ZNF652: variants seen among roughly 807,000 people sequenced by gnomAD.
ZNF652 encodes the protein zinc finger protein 652.
In ZNF652, 16 loss-of-function variants were observed where a neutral mutation model predicts 45.2. The ratio of observed to expected loss-of-function variants is 0.35; its 90% CI spans 0.24 to 0.54. The LOEUF (loss-of-function observed/expected upper bound fraction) is 0.54, where lower values mean the gene tolerates loss of function less well. Among genes scored for constraint, ZNF652 ranks in the 20% least tolerant of loss-of-function variants. ZNF652 has a pLI of 0.91. For synonymous variants in ZNF652, 250 were observed against 260.6 expected (o/e 0.96, Z 0.39); for missense variants, 614 against 765.6 (o/e 0.80, Z 2.34).
intron 1 of ZNF652, among the ~76,000 whole-genome samples, chr17:49,330,259 T>A (rs1224416047): frequency 6.6e-6 from 1 of 152,108 alleles, no homozygotes; most frequent in East Asian, 1.9e-4. Flanking sequence ...GGTCACTATA[T>A]GGAATGCAAT....
At chr17:49,353,530 G>A (rs2070304510) in intron 1 of ZNF652, among the ~76,000 whole-genome samples, 1 of 151,864 alleles carries the variant, frequency 6.6e-6, no homozygotes, top group Non-Finnish European at 1.5e-5. Context: ...GGGCTAGAGT[G>A]ATGTGATTTC....
rs757661032 is a variant in ZNF652, at chr17:49,312,056, T to C, written c.1049-14A>G. The C allele has an allele frequency of 1.3e-5, 20 of 1,585,610 alleles. No individual in the cohort carries two copies. Among genetic ancestry groups the C allele is most frequent in the African/African-American group, 2.7e-5 (2 of 74,402 alleles). ...CTTTTGTGTGTGCTGCAACACAGAA[T>C]GTACTTAGTGTCAAAACAAAATCCA... On this transcript the variant is annotated splice_polypyrimidine_tract_variant and intron_variant, in intron 3 of 5. Coordinates refer to ENST00000430262, the MANE Select transcript of ZNF652 (RefSeq NM_001145365.3).
At chr17:49,327,169 T>TAA (rs1365328449) in intron 1 of ZNF652, among the ~76,000 whole-genome samples, 1 of 152,182 alleles carries the variant, frequency 6.6e-6, no homozygotes, top group Non-Finnish European at 1.5e-5. Flanking sequence ...ATAATTTTTT[T>TAA]TATTTTTTCA....
intron 1 of ZNF652, chr17:49,361,303 A>C (rs2070390137): frequency 6.6e-6 from 1 of 152,262 alleles, no homozygotes; most frequent in South Asian, 2.1e-4. Context: ...CGGGGGTGTC[A>C]CTACCTTTGG....
chr17:49,327,439 C>T (rs948477148), intron 1 of ZNF652, among the ~76,000 whole-genome samples: 4 of 151,826 alleles, frequency 2.6e-5, no homozygotes, highest in South Asian at 4.2e-4. Flanking sequence ...GCATTACAAG[C>T]GTGAGCCACT....
intron 1 of ZNF652, among the ~76,000 whole-genome samples, chr17:49,353,731 G>A (rs925298610): frequency 4.6e-5 from 7 of 152,148 alleles, no homozygotes; most frequent in Non-Finnish European, 7.3e-5. Context: ...GTGGGTGTAG[G>A]TATGAATGTG....
chr17:49,323,942 T>C (rs537858595), intron 1 of ZNF652, among the ~76,000 whole-genome samples: 1 of 152,332 alleles, frequency 6.6e-6, no homozygotes, highest in East Asian at 1.9e-4. Context: ...ATTTTTGGAA[T>C]AGTAAGTGAA....
intron 5 of ZNF652, among the ~76,000 whole-genome samples, chr17:49,305,559 CTGGTAAAGTGCTTACAACA>C (rs2069617787): frequency 1.3e-5 from 2 of 152,142 alleles, no homozygotes; most frequent in African/African-American, 4.8e-5. Flanking sequence ...ACAACAGTAT[CTGGTAAAGTGCTTACAACA>C]GTATCTGGTA....
chr17:49,320,559 C>T (rs2069876138), intron 1 of ZNF652, among the ~76,000 whole-genome samples: 1 of 152,210 alleles, frequency 6.6e-6, no homozygotes, highest in South Asian at 2.1e-4. Context: ...ATTCTTTTAA[C>T]TGCTTATCTT....
chr17:49,322,925 C>G (rs1474190091), intron 1 of ZNF652, among the ~76,000 whole-genome samples: 11 of 152,156 alleles, frequency 7.2e-5, no homozygotes. Flanking sequence ...TAGCGATTAT[C>G]TGATCCTTCA....
intron 1 of ZNF652, among the ~76,000 whole-genome samples, chr17:49,352,403 C>T (rs2070291991): frequency 6.6e-6 from 1 of 152,074 alleles, no homozygotes; most frequent in Admixed American, 6.6e-5. Flanking sequence ...TTAAATGGCT[C>T]CTCTAAGTCA....
chr17:49,327,453 C>A (rs544993067), intron 1 of ZNF652, among the ~76,000 whole-genome samples: 1 of 151,980 alleles, frequency 6.6e-6, no homozygotes, highest in African/African-American at 2.4e-5. Flanking sequence ...AGCCACTGCG[C>A]CTGGCCTACC....
intron 1 of ZNF652, among the ~76,000 whole-genome samples, chr17:49,321,890 C>T (rs1396605561): frequency 6.6e-6 from 1 of 152,166 alleles, no homozygotes; most frequent in East Asian, 1.9e-4. Context: ...TATTGTAACA[C>T]TGTTAGTTAT....
intron 1 of ZNF652, among the ~76,000 whole-genome samples, chr17:49,358,847 G>A (rs1035627443): frequency 1.1e-4 from 17 of 152,158 alleles, no homozygotes; most frequent in Admixed American, 9.8e-4. Context: ...CCTCCTAAGG[G>A]AAGGGTGTCT....
At chr17:49,342,362 A>G (rs1161322388) in intron 1 of ZNF652, among the ~76,000 whole-genome samples, 1 of 152,106 alleles carries the variant, frequency 6.6e-6, no homozygotes, top group African/African-American at 2.4e-5. Context: ...AAACCACTCC[A>G]AATTAAAACA....
chr17:49,312,704 T>A lies in ZNF652; in HGVS notation c.1042A>T (p.Met348Leu). The change falls in exon 3 of 6, where the codon ATG becomes TTG. Residue 348 changes from methionine to leucine, a missense_variant. Physicochemically the swap from Met to Leu is conservative, Grantham distance 15. Around this residue, in one of 5 missense-constraint regions of ZNF652, gnomAD observed 262 missense variants for 306.3 expected, o/e 0.86. Transcript: ENST00000430262. ...FYTMAHVRKH[M>L]VAHTKDMPFT... ...GAAAAGCAGAAAAACTTACCAACCA[T>A]GTGTTTCCGCACATGAGCCATGGTA... The A allele has an allele frequency of 6.2e-7, 1 of 1,613,080 alleles. No homozygotes were observed. The highest frequency in any genetic ancestry group is 8.5e-7 in the Non-Finnish European group (1 of 1,179,716).
chr17:49,334,793 A>AG (rs1240382970), intron 1 of ZNF652, among the ~76,000 whole-genome samples: 1 of 151,646 alleles, frequency 6.6e-6, no homozygotes, highest in African/African-American at 2.4e-5. Flanking sequence ...AAAAAAAAAA[A>AG]GGGAATGTAG....
chr17:49,336,237 C>T (rs191344437), intron 1 of ZNF652, among the ~76,000 whole-genome samples: 5 of 151,710 alleles, frequency 3.3e-5, no homozygotes, highest in Non-Finnish European at 7.4e-5. Flanking sequence ...GTTGGCCAGG[C>T]TGGTCTTGAA....
chr17:49,311,939 G>C lies in ZNF652; in HGVS notation c.1152C>G (p.Pro384=), dbSNP rs772852790. Residue 384 remains proline (P), a synonymous_variant, in exon 4 of 6, where the codon CCC becomes CCG. Coordinates refer to ENST00000430262, the MANE Select transcript of ZNF652 (RefSeq NM_001145365.3). Reference sequence around the variant, plus strand: ...GCACATTCCTTACCTCGCATCTAAAGGGCTTCTCTCCAGAATGCTGCAAGG... The same window carrying C: ...GCACATTCCTTACCTCGCATCTAAACGGCTTCTCTCCAGAATGCTGCAAGG... The part of the protein sequence containing the change: ...VHSLQHSGEK[P]FRCENCDERF... 3.7e-6 allele frequency: 6 copies of C among 1,612,892 alleles called. No individual in the cohort carries two copies. The Admixed American group carries it at 1.0e-4, about 27-fold the overall frequency.
Sources: gnomAD v4.1 joint callset for allele counts (sites outside exome capture counted in the v4.1 genomes callset) on GRCh38, gnomAD v4.1.1 for gene constraint, gnomAD v4.1.1 regional missense constraint, MANE v1.5 for transcripts, NCBI Gene and HGNC (gene_info 2026-07-23, HGNC 2026-07-21) for gene names.